The following NRG3 variants were observed in gnomAD, a reference collection of about 807,000 sequenced individuals.
NRG3 encodes the protein pro-neuregulin-3, membrane-bound isoform.
A neutral mutation model predicts 66.9 loss-of-function variants in NRG3; 31 were observed. That is an observed-to-expected ratio of 0.46 (90% CI 0.35 to 0.63). The LOEUF is 0.63. NRG3 is among the 20% of genes least tolerant of loss of function. NRG3 has a pLI of 0.00. For synonymous variants in NRG3, 393 were observed against 359.4 expected (o/e 1.09, Z -1.06); for missense variants, 910 against 878.9 (o/e 1.04, Z -0.45).
At chr10:82,056,668 AAC>A (rs1331559921) in intron 1 of NRG3, among the ~76,000 whole-genome samples, 1 of 152,152 alleles carries the variant, frequency 6.6e-6, no homozygotes, top group African/African-American at 2.4e-5. Context: ...TTTCTTTTTT[AAC>A]AGTCTAGTTG....
chr10:82,559,094 C>T (rs558651489), intron 2 of NRG3, among the ~76,000 whole-genome samples: 49 of 152,084 alleles, frequency 3.2e-4, no homozygotes, highest in African/African-American at 1.1e-3. Context: ...TTCATAAAAT[C>T]GTATTATTAC....
chr10:82,580,100 A>G (rs934195587), intron 2 of NRG3, among the ~76,000 whole-genome samples: 2 of 151,956 alleles, frequency 1.3e-5, no homozygotes, highest in Non-Finnish European at 2.9e-5. Flanking sequence ...ACTACAATAT[A>G]AATGCTAGCT....
intron 2 of NRG3, among the ~76,000 whole-genome samples, chr10:82,374,333 C>A (rs1368235632): frequency 6.6e-6 from 1 of 152,136 alleles, no homozygotes; most frequent in Non-Finnish European, 1.5e-5. Flanking sequence ...AGACGCCCAC[C>A]AGTAGGTAGG....
intron 1 of NRG3, among the ~76,000 whole-genome samples, chr10:82,320,349 G>T (rs1020444229): frequency 6.6e-6 from 1 of 152,150 alleles, no homozygotes; most frequent in African/African-American, 2.4e-5. Context: ...AAGAGAATTG[G>T]TGTGGAAGAG....
chr10:82,466,235 C>T (rs1472913509), intron 2 of NRG3, among the ~76,000 whole-genome samples: 1 of 152,104 alleles, frequency 6.6e-6, no homozygotes, highest in Non-Finnish European at 1.5e-5. Context: ...CTTGGAATAA[C>T]ACCCTCCCCA....
chr10:82,386,678 G>A (rs898286528), intron 2 of NRG3, among the ~76,000 whole-genome samples: 5 of 152,104 alleles, frequency 3.3e-5, no homozygotes, highest in African/African-American at 1.2e-4. Context: ...CACTTTTTCA[G>A]AGACACATTA....
intron 2 of NRG3, among the ~76,000 whole-genome samples, chr10:82,379,613 T>C (rs941275640): frequency 6.6e-6 from 1 of 152,144 alleles, no homozygotes; most frequent in Non-Finnish European, 1.5e-5. Flanking sequence ...AAATATTCAC[T>C]CTTATGAAAT....
At chr10:82,490,191 G>T (rs1842982271) in intron 2 of NRG3, among the ~76,000 whole-genome samples, 1 of 152,076 alleles carries the variant, frequency 6.6e-6, no homozygotes, top group Admixed American at 6.6e-5. Context: ...TTCTGTTGCT[G>T]CAAAACTCTT....
intron 3 of NRG3, among the ~76,000 whole-genome samples, chr10:82,777,093 T>C (rs938034243): frequency 6.6e-6 from 1 of 152,110 alleles, no homozygotes; most frequent in African/African-American, 2.4e-5. Flanking sequence ...CATTTGCAGA[T>C]GGGTCTTAGG....
At chr10:82,819,165 G>A (rs1281697814) in intron 3 of NRG3, among the ~76,000 whole-genome samples, 2 of 152,106 alleles carry the variant, frequency 1.3e-5, no homozygotes, top group East Asian at 1.9e-4. Context: ...AATCATTAAC[G>A]AAGAATTTAC....
rs778579070 is a variant in NRG3 at position 82,985,182 on chromosome 10, T to C, written c.1668T>C (p.Asn556=). Residue 556 remains asparagine (N), a synonymous_variant, in exon 9 of 9, where the codon AAT becomes AAC. Coordinates refer to ENST00000372141, the MANE Select transcript of NRG3 (RefSeq NM_001010848.4). ...CAAGAGAGACAAACCCCTATTTTAA[T>C]AGCTTGGAGCAAAAGGACCTGGTGG... ...LPSRETNPYF[N]SLEQKDLVGY... The C allele has an allele frequency of 6.2e-7, 1 of 1,614,106 alleles. No homozygotes were observed.
At chr10:82,906,356 T>G (rs1311803637) in intron 4 of NRG3, among the ~76,000 whole-genome samples, 1 of 152,216 alleles carries the variant, frequency 6.6e-6, no homozygotes, top group East Asian at 1.9e-4. Context: ...CCTTGTGGCA[T>G]AAGATCACAC....
chr10:82,879,840 A>G (rs1453773806), intron 4 of NRG3, among the ~76,000 whole-genome samples: 5 of 152,134 alleles, frequency 3.3e-5, no homozygotes, highest in Non-Finnish European at 7.3e-5. Flanking sequence ...TAAAGGTGTT[A>G]AATATTAATG....
At chr10:82,089,459 G>T (rs1449993001) in intron 1 of NRG3, among the ~76,000 whole-genome samples, 2 of 152,042 alleles carry the variant, frequency 1.3e-5, no homozygotes, top group Admixed American at 1.3e-4. Flanking sequence ...GGAAGAATCT[G>T]GGCTGTCAGG....
chr10:82,054,797 C>T (rs1195432990), intron 1 of NRG3, among the ~76,000 whole-genome samples: 4 of 151,788 alleles, frequency 2.6e-5, no homozygotes, highest in East Asian at 1.9e-4. Context: ...CTTGAGCCCA[C>T]GAGTTAGAGA....
Position 82,242,967 on chromosome 10 carries a change from C to T in NRG3, c.824-115772C>T, listed in dbSNP as rs149158479. 8.7e-4 allele frequency among the ~76,000 whole-genome samples: 133 copies of T among 152,306 alleles called. 1 individual carries two copies. The East Asian group carries it at 0.023, about 27-fold the overall frequency. On this transcript the variant is annotated intron_variant, in intron 1 of 8. Coordinates refer to ENST00000372141, the MANE Select transcript of NRG3 (RefSeq NM_001010848.4). Reference sequence around the variant, plus strand: ...GTGTTAAGGACTTCCCGTTAGGGCTCGTGCTTAAGCCTCAGGTTGAACCTA... The same window carrying T: ...GTGTTAAGGACTTCCCGTTAGGGCTTGTGCTTAAGCCTCAGGTTGAACCTA...
At chr10:81,942,232 A>G (rs544004636) in intron 1 of NRG3, among the ~76,000 whole-genome samples, 2 of 152,058 alleles carry the variant, frequency 1.3e-5, no homozygotes, top group Non-Finnish European at 2.9e-5. Context: ...TCCTCCACAT[A>G]ACAGAAATGC....
At chr10:81,923,471 C>T (rs1359538646) in intron 1 of NRG3, among the ~76,000 whole-genome samples, 1 of 152,208 alleles carries the variant, frequency 6.6e-6, no homozygotes, top group African/African-American at 2.4e-5. Flanking sequence ...TCCCAACGTG[C>T]TGGGATTACA....
chr10:82,432,226 TC>T (rs1490096845), intron 2 of NRG3, among the ~76,000 whole-genome samples: 18 of 152,282 alleles, frequency 1.2e-4, no homozygotes, highest in African/African-American at 3.6e-4. Context: ...AGTTATCAAA[TC>T]GTGTATTTGT....
Sources: allele counts gnomAD v4.1 joint callset (sites outside exome capture counted in the v4.1 genomes callset), GRCh38; gene constraint gnomAD v4.1.1; transcripts MANE v1.5; gene names NCBI Gene and HGNC (gene_info 2026-07-23, HGNC 2026-07-21).